Variants in FSTL5 observed in about 807,000 individuals in gnomAD.
FSTL5 encodes follistatin-related protein 5.
A neutral mutation model predicts 89.1 loss-of-function variants in FSTL5; 62 were observed. That is an observed-to-expected ratio of 0.70 (90% confidence interval 0.57 to 0.86). The LOEUF is 0.86. Ranked by LOEUF, FSTL5 falls within the 40% of genes least tolerant of loss-of-function variation. The pLI, the probability that FSTL5 is intolerant of heterozygous loss-of-function variation, is 0.00. For missense variants in FSTL5, 1,057 were observed against 1,001.6 expected, an observed-to-expected ratio of 1.06 and a Z score of -0.75; for synonymous variants, 383 against 346.2, an observed-to-expected ratio of 1.11 and a Z score of -1.18.
chr4:161,695,822 TC>T (rs1738140581), intron 6 of FSTL5, among the ~76,000 whole-genome samples: 1 of 152,056 alleles, frequency 6.6e-6, no homozygotes, highest in South Asian at 2.1e-4. Flanking sequence ...TTTTTTCTTG[TC>T]GATTTGTTTG....
rs56387876 is a variant in FSTL5 at position 161,569,758 on chromosome 4, A to AACAC, written c.1015+17693_1015+17696dup. Among the ~76,000 whole-genome samples the AACAC allele has an allele frequency of 4.9e-3, 662 of 134,400 alleles. 2 individuals carry two copies. Among genetic ancestry groups the AACAC allele is most frequent in the African/African-American group, 0.018 (607 of 34,192 alleles). The allele number at this position is 134,400 out of a possible 152,430, so 88.2% of individuals were successfully genotyped here. ...ATGAGATCTTTAAGTCCAACACACA[A>AACAC]ACACACACACACACACACACACACA... is the stretch of plus-strand genomic sequence containing the variant. On this transcript the variant is annotated intron_variant, in intron 8 of 15. Coordinates refer to ENST00000306100, the MANE Select transcript of FSTL5 (RefSeq NM_020116.5).
chr4:161,693,265 G>T lies in FSTL5; in HGVS notation c.728-36771C>A, dbSNP rs146696738. Among the ~76,000 whole-genome samples the T allele has an allele frequency of 6.0e-3, 907 of 152,202 alleles. 13 individuals are homozygous for T. The highest frequency in any genetic ancestry group is 0.047 in the South Asian group (229 of 4,824). Reference sequence around the variant, plus strand: ...AAGGAATATTAAATTGTAGTTGTCTGTTCTTTTGATATCTTTATCTGGCTT... The same window carrying T: ...AAGGAATATTAAATTGTAGTTGTCTTTTCTTTTGATATCTTTATCTGGCTT... On this transcript the variant is annotated intron_variant, in intron 6 of 15. Coordinates refer to ENST00000306100, the MANE Select transcript of FSTL5 (RefSeq NM_020116.5).
rs139308061 is a variant in FSTL5 at position 162,113,636 on chromosome 4, C to T, written c.-16-2224G>A. Among the ~76,000 whole-genome samples the T allele has an allele frequency of 4.1e-3, 631 of 152,284 alleles. 16 individuals carry two copies. Among genetic ancestry groups the T allele is most frequent in the Admixed American group, 0.038 (578 of 15,288 alleles). ...GTTTCTCTCTCCCTCTAGATATCACCTCCTGCGACACTAAACTTCATTCAG... is the reference window on the plus strand; with the variant it reads ...GTTTCTCTCTCCCTCTAGATATCACTTCCTGCGACACTAAACTTCATTCAG... On this transcript the variant is annotated intron_variant, in intron 1 of 15. Transcript: ENST00000306100.
At chr4:161,416,512 C>T (rs1446284104) in intron 15 of FSTL5, among the ~76,000 whole-genome samples, 2 of 151,988 alleles carry the variant, frequency 1.3e-5, no homozygotes, top group African/African-American at 4.8e-5. Context: ...GTTAATCCAC[C>T]AGCACATTTT....
chr4:161,997,694 T>A (rs920161578), intron 3 of FSTL5, among the ~76,000 whole-genome samples: 11 of 143,470 alleles, frequency 7.7e-5, no homozygotes, highest in Non-Finnish European at 1.5e-4. Context: ...AAGCTCCGCC[T>A]CCCGGGTGCA....
intron 4 of FSTL5, among the ~76,000 whole-genome samples, chr4:161,807,228 CAT>C (rs1729998382): frequency 1.4e-5 from 2 of 140,568 alleles, no homozygotes; most frequent in East Asian, 4.3e-4. Flanking sequence ...CACACACACA[CAT>C]ATATATTTGT....
intron 7 of FSTL5, 147 bp from the exon 8 acceptor site, chr4:161,587,722 G>C (rs761150445): frequency 3.7e-6 from 2 of 538,086 alleles, no homozygotes; most frequent in East Asian, 3.2e-5. Context: ...GTGTATAAGC[G>C]TAAAGGATCT....
intron 1 of FSTL5, among the ~76,000 whole-genome samples, chr4:162,157,826 T>C (rs1733541056): frequency 6.6e-6 from 1 of 152,088 alleles, no homozygotes; most frequent in South Asian, 2.1e-4. Context: ...AGCTGTGTTA[T>C]AATTACTGCT....
chr4:161,463,030 G>T (rs977006916), intron 13 of FSTL5, among the ~76,000 whole-genome samples: 1 of 151,964 alleles, frequency 6.6e-6, no homozygotes, highest in Non-Finnish European at 1.5e-5. Context: ...CTTAAAGAAC[G>T]AATATTTTTA....
intron 1 of FSTL5, among the ~76,000 whole-genome samples, chr4:162,134,506 A>G (rs570136673): frequency 2.0e-5 from 3 of 148,750 alleles, no homozygotes; most frequent in African/African-American, 7.3e-5. Context: ...TGTTCATGAA[A>G]TATACCTGGA....
chr4:162,014,190 T>C (rs1336966884), intron 3 of FSTL5, among the ~76,000 whole-genome samples: 2 of 152,178 alleles, frequency 1.3e-5, no homozygotes, highest in Non-Finnish European at 2.9e-5. Flanking sequence ...GAATCAAGAA[T>C]TCATTTGTAT....
chr4:161,932,402 T>C (rs1233772989), intron 3 of FSTL5, among the ~76,000 whole-genome samples: 5 of 151,858 alleles, frequency 3.3e-5, no homozygotes, highest in African/African-American at 1.2e-4. Context: ...CTTTGATACT[T>C]ATCTGCCTTC....
At chr4:161,538,655 T>A (rs1731716590) in intron 9 of FSTL5, among the ~76,000 whole-genome samples, 1 of 152,200 alleles carries the variant, frequency 6.6e-6, no homozygotes, top group African/African-American at 2.4e-5. Context: ...TTCAGAAATC[T>A]AATAATAGCA....
At chr4:161,956,130 C>T (rs965897872) in intron 3 of FSTL5, among the ~76,000 whole-genome samples, 61 of 151,668 alleles carry the variant, frequency 4.0e-4, no homozygotes, top group Middle Eastern at 3.2e-3. Flanking sequence ...TCTATTTTTT[C>T]TTTAAACCTG....
intron 3 of FSTL5, among the ~76,000 whole-genome samples, chr4:162,015,154 G>T (rs1736881614): frequency 6.6e-6 from 1 of 152,204 alleles, no homozygotes; most frequent in Non-Finnish European, 1.5e-5. Context: ...GTGTACCACA[G>T]TAAGGCAGTA....
At chr4:161,689,085 A>G (rs1487248796) in intron 6 of FSTL5, among the ~76,000 whole-genome samples, 1 of 152,136 alleles carries the variant, frequency 6.6e-6, no homozygotes, top group African/African-American at 2.4e-5. Flanking sequence ...CTCATACAAC[A>G]TCCTTTTTGG....
At chr4:161,986,800 C>T (rs1396729178) in intron 3 of FSTL5, among the ~76,000 whole-genome samples, 2 of 152,062 alleles carry the variant, frequency 1.3e-5, no homozygotes, top group African/African-American at 2.4e-5. Flanking sequence ...CCATGTTTGA[C>T]GTTGATGGCT....
chr4:161,680,389 C>A (rs1274172008), intron 6 of FSTL5, among the ~76,000 whole-genome samples: 1 of 151,900 alleles, frequency 6.6e-6, no homozygotes, highest in African/African-American at 2.4e-5. Context: ...ACTCCTACAA[C>A]CTTTCCATCT....
At chr4:161,920,375 G>T (rs368146767) in intron 4 of FSTL5, 29 bp downstream of exon 4, 3 of 1,602,994 alleles carry the variant, frequency 1.9e-6, no homozygotes, top group South Asian at 2.2e-5. Flanking sequence ...ATAGAGTGGG[G>T]TGACACTTAA....
Sources: allele counts gnomAD v4.1 joint callset (sites outside exome capture counted in the v4.1 genomes callset), GRCh38; gene constraint gnomAD v4.1.1; transcripts MANE v1.5; gene names NCBI Gene and HGNC (gene_info 2026-07-23, HGNC 2026-07-21).